STARD13: variants seen among roughly 807,000 people sequenced by gnomAD.
The protein encoded by STARD13 is StAR related lipid transfer domain containing 13.
Under a neutral mutation model 106.4 loss-of-function variants are expected in STARD13, and 62 were observed. The ratio of observed to expected loss-of-function variants is 0.58; its 90% CI spans 0.48 to 0.72. The LOEUF is 0.72. Ranked by LOEUF, STARD13 falls within the 30% of genes least tolerant of loss-of-function variation. STARD13 has a pLI of 0.00. For synonymous variants in STARD13, 565 were observed against 553.0 expected (o/e 1.02, Z -0.31); for missense variants, 1,387 against 1,424.0 (o/e 0.97, Z 0.42).
chr13:33,542,637 G>A, the STARD13 span, among the ~76,000 whole-genome samples: 3 of 152,318 alleles, frequency 2.0e-5, no homozygotes, highest in South Asian at 6.2e-4. Context: ...TTTCCGCTCC[G>A]GGGCTCGTCG....
chr13:33,443,374 C>T, the STARD13 span, among the ~76,000 whole-genome samples: 1 of 135,502 alleles, frequency 7.4e-6, no homozygotes, highest in Non-Finnish European at 1.6e-5. Context: ...GAGATTCTGT[C>T]TCAAAAAAAA....
At chr13:33,392,108 G>A in the STARD13 span, among the ~76,000 whole-genome samples, 21 of 152,232 alleles carry the variant, frequency 1.4e-4, no homozygotes, top group East Asian at 2.7e-3. Flanking sequence ...CTGCAGATTC[G>A]TAATCTAGCT....
intron 1 of STARD13, among the ~76,000 whole-genome samples, chr13:33,337,834 A>G (rs376824322): frequency 1.4e-4 from 21 of 152,348 alleles, no homozygotes; most frequent in African/African-American, 4.8e-4. Context: ...GCAGGGTCCA[A>G]GACAGAATGA....
chr13:33,433,591 T>C, the STARD13 span, among the ~76,000 whole-genome samples: 2 of 152,172 alleles, frequency 1.3e-5, no homozygotes, highest in African/African-American at 4.8e-5. Flanking sequence ...ACTACCATAT[T>C]ACATCTCTGC....
chr13:33,486,572 G>A, the STARD13 span, among the ~76,000 whole-genome samples: 1 of 152,208 alleles, frequency 6.6e-6, no homozygotes, highest in Admixed American at 6.5e-5. Context: ...ACTCTGGAGA[G>A]TGAAACCGCA....
At chr13:33,608,276 A>G in the STARD13 span, among the ~76,000 whole-genome samples, 1 of 152,254 alleles carries the variant, frequency 6.6e-6, no homozygotes, top group Non-Finnish European at 1.5e-5. Context: ...CAATGGAAAG[A>G]CTAAATATCA....
chr13:33,144,974 A>T (rs1379791137), intron 3 of STARD13, among the ~76,000 whole-genome samples: 1 of 152,228 alleles, frequency 6.6e-6, no homozygotes, highest in East Asian at 1.9e-4. Context: ...ACTTTCTGAC[A>T]CATGCAGGAA....
At chr13:33,365,797 T>C in the STARD13 span, among the ~76,000 whole-genome samples, 1 of 152,236 alleles carries the variant, frequency 6.6e-6, no homozygotes, top group Non-Finnish European at 1.5e-5. Flanking sequence ...CTACTCAGCA[T>C]GGCTTTCTTG....
chr13:33,186,061 G>C (rs1419780794), intron 1 of STARD13: 1 of 1,611,822 alleles, frequency 6.2e-7, no homozygotes, highest in South Asian at 1.1e-5. Flanking sequence ...GCAGATGATA[G>C]TCCTCTCTCA....
At chr13:33,289,756 T>C (rs952929402), upstream of STARD13, among the ~76,000 whole-genome samples, 3 of 152,034 alleles carry the variant, frequency 2.0e-5, no homozygotes, top group African/African-American at 7.2e-5. Context: ...TGTCTTCAAG[T>C]AAGAAGTACA....
At chr13:33,419,904 G>T in the STARD13 span, among the ~76,000 whole-genome samples, 3 of 152,174 alleles carry the variant, frequency 2.0e-5, no homozygotes, top group African/African-American at 7.2e-5. Flanking sequence ...ACAAGCAAAT[G>T]CTGAGAGATT....
chr13:33,239,803 T>A (rs1026467198), intron 1 of STARD13, among the ~76,000 whole-genome samples: 1 of 152,212 alleles, frequency 6.6e-6, no homozygotes, highest in Admixed American at 6.5e-5. Context: ...TAACCATTTA[T>A]CTGATGTATG....
intron 7 of STARD13, among the ~76,000 whole-genome samples, chr13:33,123,338 C>G (rs905148359): frequency 4.6e-5 from 7 of 152,166 alleles, no homozygotes; most frequent in Non-Finnish European, 8.8e-5. Context: ...TTATGCTAAT[C>G]TTTTTCGGGA....
At chr13:33,135,372 C>T (rs977673231) in intron 4 of STARD13, among the ~76,000 whole-genome samples, 3 of 152,188 alleles carry the variant, frequency 2.0e-5, no homozygotes, top group African/African-American at 7.2e-5. Context: ...AAAGACCAGT[C>T]TGGGTGTAGT....
chr13:33,529,536 T>C, the STARD13 span, among the ~76,000 whole-genome samples: 1 of 152,190 alleles, frequency 6.6e-6, no homozygotes, highest in African/African-American at 2.4e-5. Context: ...TGCCAAGTGT[T>C]GTCCCAGGAC....
At chr13:33,594,845 C>A in the STARD13 span, among the ~76,000 whole-genome samples, 1 of 152,258 alleles carries the variant, frequency 6.6e-6, no homozygotes, top group South Asian at 2.1e-4. Context: ...TCTGAATTTC[C>A]TCCCTTTTTA....
At chr13:33,162,151 G>C (rs543907474) in intron 3 of STARD13, among the ~76,000 whole-genome samples, 5 of 152,154 alleles carry the variant, frequency 3.3e-5, no homozygotes, top group Non-Finnish European at 5.9e-5. Context: ...GTCCCCCAAA[G>C]TCTTAACTCA....
chr13:33,322,250 T>G (rs1360640102), intron 1 of STARD13, among the ~76,000 whole-genome samples: 3 of 152,188 alleles, frequency 2.0e-5, no homozygotes, highest in Non-Finnish European at 4.4e-5. Flanking sequence ...AAGAATGGCT[T>G]GGATGTCCTC....
chr13:33,309,877 A>G (rs1205238679), intron 1 of STARD13, among the ~76,000 whole-genome samples: 1 of 152,164 alleles, frequency 6.6e-6, no homozygotes, highest in African/African-American at 2.4e-5. Flanking sequence ...TGTGTTCTTA[A>G]GCTCTGACCC....
Sources: allele counts gnomAD v4.1 joint callset (sites outside exome capture counted in the v4.1 genomes callset), GRCh38; gene constraint gnomAD v4.1.1; transcripts MANE v1.5; gene names NCBI Gene and HGNC (gene_info 2026-07-23, HGNC 2026-07-21).